The following ATG4A variants were observed in gnomAD, a reference collection of about 807,000 sequenced individuals.
ATG4A encodes the protein cysteine protease ATG4A.
ATG4A carries 22 observed loss-of-function variants against 38.4 expected under a neutral mutation model. The observed-to-expected ratio is 0.57, with a 90% CI of 0.41 to 0.82. The LOEUF (loss-of-function observed/expected upper bound fraction) is 0.82. Ranked by LOEUF, ATG4A falls within the 40% of genes least tolerant of loss-of-function variation. ATG4A has a pLI of 0.00. For missense variants in ATG4A, 220 were observed against 290.0 expected, an observed-to-expected ratio of 0.76 and a Z score of 1.75; for synonymous variants, 86 against 100.7, an observed-to-expected ratio of 0.85 and a Z score of 0.88.
chrX:108,101,934 C>T (rs776088056), intron 1 of ATG4A, among the ~76,000 whole-genome samples: 67 of 110,379 alleles, frequency 6.1e-4, no homozygotes, highest in Middle Eastern at 4.8e-3. Context: ...AATAAGATTC[C>T]GTTATATGTA....
intron 6 of ATG4A, among the ~76,000 whole-genome samples, chrX:108,134,971 T>C (rs1363709782): frequency 1.8e-5 from 2 of 111,993 alleles, no homozygotes; most frequent in Non-Finnish European, 3.8e-5. Flanking sequence ...TGTCATCTCA[T>C]AGCAGACTCA....
At chrX:108,139,577 G>GTAAA (rs1229149626) in intron 9 of ATG4A, among the ~76,000 whole-genome samples, 1 of 112,801 alleles carries the variant, frequency 8.9e-6, no homozygotes, top group Non-Finnish European at 1.9e-5. Context: ...CGTGGAGCCT[G>GTAAA]TAAAGGCTTT....
intron 10 of ATG4A, among the ~76,000 whole-genome samples, 185 bp from the exon 11 acceptor site, chrX:108,151,617 G>A (rs2033590271): frequency 8.9e-6 from 1 of 112,106 alleles, no homozygotes. Context: ...GCAAGACTGA[G>A]AGAGTGATAT....
intron 1 of ATG4A, among the ~76,000 whole-genome samples, chrX:108,114,386 C>T (rs1340381530): frequency 9.0e-6 from 1 of 111,606 alleles, no homozygotes; most frequent in African/African-American, 3.3e-5. Context: ...AAAAGTCTGG[C>T]CCAAAGTGAC....
At chrX:108,101,562 C>T (rs2032015628) in intron 1 of ATG4A, among the ~76,000 whole-genome samples, 1 of 109,457 alleles carries the variant, frequency 9.1e-6, no homozygotes, top group African/African-American at 3.3e-5. Flanking sequence ...AGCTGCATGT[C>T]ATGTATTTTT....
In ATG4A at chrX:108,138,167, G is replaced by A. The variant is rs1331432956; in HGVS notation, c.790G>A (p.Ala264Thr). Residue 264 changes from alanine to threonine, a missense_variant, in exon 9 of 13, where the codon GCG becomes ACG. Physicochemically the swap from Ala to Thr is moderately conservative, Grantham distance 58 (BLOSUM62 0). Coordinates refer to ENST00000372232, the MANE Select transcript of ATG4A (RefSeq NM_052936.5). Reference sequence around the variant, plus strand: ...GGCATTAGGAGGAAAACCAAATAACGCGTATTATTTCATAGGATTCTTAGG... The same window carrying A: ...GGCATTAGGAGGAAAACCAAATAACACGTATTATTTCATAGGATTCTTAGG... ...LGALGGKPNN[A>T]YYFIGFLGDE... is the part of the protein sequence containing the mutation. The A allele has an allele frequency of 5.0e-6, 6 of 1,207,432 alleles. No homozygotes were observed. Among genetic ancestry groups the A allele is most frequent in the South Asian group, 3.5e-5 (2 of 56,725 alleles).
intron 1 of ATG4A, among the ~76,000 whole-genome samples, chrX:108,116,896 T>G (rs1025536628): frequency 4.4e-5 from 5 of 112,380 alleles, no homozygotes; most frequent in African/African-American, 1.6e-4. Flanking sequence ...TAAGGTCGAG[T>G]GCTGCCATCA....
intron 1 of ATG4A, among the ~76,000 whole-genome samples, chrX:108,099,616 T>C (rs191509212): frequency 5.4e-5 from 6 of 112,147 alleles, no homozygotes; most frequent in Non-Finnish European, 9.4e-5. Context: ...CTTCTGAAAA[T>C]GTTATAGTTT....
chrX:108,101,166 C>T (rs2032000303), intron 1 of ATG4A, among the ~76,000 whole-genome samples: 1 of 110,805 alleles, frequency 9.0e-6, no homozygotes, highest in Non-Finnish European at 1.9e-5. Flanking sequence ...TCCAGCTTAT[C>T]AAAATTATCA....
At chrX:108,130,706 C>A (rs947917787) in intron 3 of ATG4A, among the ~76,000 whole-genome samples, 2 of 111,901 alleles carry the variant, frequency 1.8e-5, no homozygotes, top group Non-Finnish European at 1.9e-5. Flanking sequence ...TCTGATGCCT[C>A]ATCTAGGGAT....
intron 9 of ATG4A, among the ~76,000 whole-genome samples, chrX:108,141,707 C>A (rs760206557): frequency 8.9e-6 from 1 of 111,890 alleles, no homozygotes; most frequent in African/African-American, 3.3e-5. Flanking sequence ...ATAGCATTAG[C>A]CCTGTCTCTG....
At chrX:108,093,008 A>G (rs1416678739) in intron 1 of ATG4A, among the ~76,000 whole-genome samples, 1 of 111,946 alleles carries the variant, frequency 8.9e-6, no homozygotes, top group Admixed American at 9.4e-5. Context: ...TTGTAGATTT[A>G]TAGAAAAGTT....
At chrX:108,150,678 G>T (rs1034720812) in intron 10 of ATG4A, among the ~76,000 whole-genome samples, 2 of 112,520 alleles carry the variant, frequency 1.8e-5, no homozygotes, top group African/African-American at 6.5e-5. Context: ...GCTTATGCAG[G>T]GGAACTCCCA....
intron 1 of ATG4A, among the ~76,000 whole-genome samples, chrX:108,092,728 G>C (rs1042414199): frequency 1.8e-5 from 2 of 111,603 alleles, no homozygotes; most frequent in Non-Finnish European, 3.8e-5. Flanking sequence ...TACTTTTTTT[G>C]TAATACAGGA....
At chrX:108,126,230 A>G in intron 2 of ATG4A, 43 bp downstream of exon 2, 1 of 988,487 alleles carries the variant, frequency 1.0e-6, no homozygotes, top group South Asian at 2.0e-5. Context: ...CAGATGAGGT[A>G]GGCACCTGTG....
intron 9 of ATG4A, among the ~76,000 whole-genome samples, chrX:108,146,634 A>G (rs1328826934): frequency 9.0e-6 from 1 of 111,538 alleles, no homozygotes; most frequent in African/African-American, 3.3e-5. Context: ...GCCCTCACAA[A>G]TCTATTTTGC....
At chrX:108,145,802 C>T (rs1355339428) in intron 9 of ATG4A, among the ~76,000 whole-genome samples, 1 of 112,386 alleles carries the variant, frequency 8.9e-6, no homozygotes, top group African/African-American at 3.2e-5. Context: ...CTACCAGCTG[C>T]TAAGTATGTC....
chrX:108,126,305 C>G (rs986021271), intron 2 of ATG4A, 118 bp downstream of exon 2: 59 of 521,966 alleles, frequency 1.1e-4, no homozygotes, highest in Non-Finnish European at 1.0e-4. Flanking sequence ...GTTAATGCTA[C>G]TCTGAGGTGG....
intron 1 of ATG4A, among the ~76,000 whole-genome samples, chrX:108,102,826 CT>C (rs747785654): frequency 3.9e-4 from 42 of 106,384 alleles, no homozygotes; most frequent in African/African-American, 1.4e-3. Context: ...TCTTTGCCCC[CT>C]TTTTTTTTCA....
Sources: gnomAD v4.1 joint callset for allele counts (sites outside exome capture counted in the v4.1 genomes callset) on GRCh38, gnomAD v4.1.1 for gene constraint, MANE v1.5 for transcripts, NCBI Gene and HGNC (gene_info 2026-07-23, HGNC 2026-07-21) for gene names.